Variants in DAB1 observed in about 807,000 individuals in gnomAD.
DAB1 encodes DAB adaptor protein 1.
In DAB1, 15 loss-of-function variants were observed where a neutral mutation model predicts 64.6. The observed-to-expected ratio is 0.23, with a 90% CI of 0.16 to 0.36. The LOEUF (loss-of-function observed/expected upper bound fraction) is 0.36, where lower values mean the gene tolerates loss of function less well. Ranked by LOEUF, DAB1 falls within the 10% of genes least tolerant of loss-of-function variation. DAB1 has a pLI of 1.00. For synonymous variants in DAB1, 235 were observed against 251.9 expected, an observed-to-expected ratio of 0.93 and a Z score of 0.64; for missense variants, 596 against 706.7, an observed-to-expected ratio of 0.84 and a Z score of 1.78.
chr1:57,492,963 T>C (rs1315276488), intron 7 of DAB1, among the ~76,000 whole-genome samples: 2 of 152,136 alleles, frequency 1.3e-5, no homozygotes, highest in African/African-American at 4.8e-5. Context: ...AAGCTATCCC[T>C]GGCTTCCTTG....
chr1:58,203,907 A>G (rs1170286059), intron 4 of DAB1, among the ~76,000 whole-genome samples: 1 of 152,236 alleles, frequency 6.6e-6, no homozygotes. Context: ...AGTTTATTGA[A>G]CAAATAGCTA....
intron 5 of DAB1, among the ~76,000 whole-genome samples, chr1:58,031,104 A>C (rs896279262): frequency 2.6e-5 from 4 of 152,162 alleles, no homozygotes; most frequent in Non-Finnish European, 4.4e-5. Flanking sequence ...GAGTGAACAA[A>C]GTGGAGAGAA....
At chr1:58,296,208 AG>A (rs1661982870) in intron 4 of DAB1, among the ~76,000 whole-genome samples, 1 of 117,552 alleles carries the variant, frequency 8.5e-6, no homozygotes, top group African/African-American at 3.5e-5. Context: ...AAAGAAAGAA[AG>A]AAAGAAAGAA....
chr1:58,075,080 T>C (rs1649556879), intron 5 of DAB1, among the ~76,000 whole-genome samples: 1 of 152,190 alleles, frequency 6.6e-6, no homozygotes, highest in African/African-American at 2.4e-5. Context: ...ATCTGCTCTT[T>C]AGTTTGTTCC....
intron 3 of DAB1, among the ~76,000 whole-genome samples, chr1:58,497,121 T>C (rs78028892): frequency 1.3e-3 from 193 of 152,294 alleles, no homozygotes; most frequent in African/African-American, 4.5e-3. Context: ...TACAGGTATA[T>C]ATAGAAACAA....
chr1:57,407,254 C>T (rs1683716315), intron 1 of DAB1, among the ~76,000 whole-genome samples: 1 of 152,134 alleles, frequency 6.6e-6, no homozygotes, highest in Non-Finnish European at 1.5e-5. Context: ...ACAATAGAGA[C>T]CACCAAGGTC....
chr1:58,435,081 A>G (rs181254064), intron 3 of DAB1, among the ~76,000 whole-genome samples: 2 of 152,318 alleles, frequency 1.3e-5, no homozygotes, highest in East Asian at 3.9e-4. Flanking sequence ...TGTGGATTGC[A>G]TTACTTGGGA....
chr1:57,808,554 G>A (rs1216865504), intron 6 of DAB1, among the ~76,000 whole-genome samples: 2 of 151,882 alleles, frequency 1.3e-5, no homozygotes, highest in Non-Finnish European at 2.9e-5. Context: ...ATTTACTTAG[G>A]GTAGAATGGT....
rs142116591 is a variant in DAB1 at position 57,044,440 on chromosome 1, C to T, written c.724-18397G>A. On this transcript the variant is annotated intron_variant, in intron 9 of 14. Transcript: ENST00000371236. ...TTACAGTATTACAGAAACTATAAAA[C>T]GATAACAAAAAAGACACTTCATGCA... Among the ~76,000 whole-genome samples, 223 of 152,262 alleles carry T rather than the reference C, an allele frequency of 1.5e-3. 2 individuals carry two copies. Among genetic ancestry groups the T allele is most frequent in the African/African-American group, 5.0e-3 (206 of 41,560 alleles).
At chr1:57,452,779 C>A (rs1686435696) in intron 7 of DAB1, among the ~76,000 whole-genome samples, 1 of 152,054 alleles carries the variant, frequency 6.6e-6, no homozygotes, top group Non-Finnish European at 1.5e-5. Flanking sequence ...GAGACCTTAT[C>A]TGCCTTGTTC....
At chr1:57,508,907 CATTT>C (rs1306673453) in intron 7 of DAB1, among the ~76,000 whole-genome samples, 1 of 151,602 alleles carries the variant, frequency 6.6e-6, no homozygotes, top group African/African-American at 2.4e-5. Flanking sequence ...ACTTATAAAA[CATTT>C]ATATATGCAC....
chr1:57,170,083 G>A lies in DAB1; in HGVS notation c.68-24654C>T, dbSNP rs1025558002. On this transcript the variant is annotated intron_variant, in intron 2 of 14. Transcript: ENST00000371236. ...GTGAACTCGGCTCCCTGCAACCTCT[G>A]CATCCCAGGTTCAAGCGATTCTCCT... Among the ~76,000 whole-genome samples the A allele has an allele frequency of 1.1e-4, 17 of 150,448 alleles. No homozygotes were observed. The East Asian group carries it at 1.2e-3, about 10-fold the overall frequency.
At chr1:58,432,888 C>T (rs1644895030) in intron 3 of DAB1, among the ~76,000 whole-genome samples, 1 of 152,200 alleles carries the variant, frequency 6.6e-6, no homozygotes, top group Non-Finnish European at 1.5e-5. Context: ...TGCGAGCCCT[C>T]CCCCCAGCCC....
chr1:57,842,126 T>A (rs897902567), intron 1 of DAB1, among the ~76,000 whole-genome samples: 1 of 152,182 alleles, frequency 6.6e-6, no homozygotes, highest in African/African-American at 2.4e-5. Flanking sequence ...ATACCCTAAA[T>A]CATCTCTCTC....
intron 1 of DAB1, among the ~76,000 whole-genome samples, chr1:57,326,645 C>G (rs1220215597): frequency 6.6e-6 from 1 of 152,216 alleles, no homozygotes; most frequent in Non-Finnish European, 1.5e-5. Flanking sequence ...AAGAGCAAGG[C>G]ACCAGCAGAT....
intron 5 of DAB1, among the ~76,000 whole-genome samples, chr1:57,889,423 G>A (rs1417384700): frequency 6.6e-6 from 1 of 152,244 alleles, no homozygotes; most frequent in Non-Finnish European, 1.5e-5. Flanking sequence ...CACAGGTCTT[G>A]ACCTTTAAAA....
At chr1:57,984,260 G>GAAAGAAAA (rs1570163620) in intron 5 of DAB1, among the ~76,000 whole-genome samples, 10 of 134,068 alleles carry the variant, frequency 7.5e-5, no homozygotes, top group African/African-American at 1.7e-4. Context: ...AAGAAAGAAA[G>GAAAGAAAA]AAAAAAAATT....
intron 1 of DAB1, among the ~76,000 whole-genome samples, chr1:57,416,003 C>G (rs756060685): frequency 1.3e-5 from 2 of 152,060 alleles, no homozygotes; most frequent in African/African-American, 2.4e-5. Flanking sequence ...AACTTCTAAC[C>G]CCATGAGAGA....
intron 9 of DAB1, among the ~76,000 whole-genome samples, chr1:57,038,581 C>A (rs1467465265): frequency 6.6e-6 from 1 of 152,048 alleles, no homozygotes; most frequent in Non-Finnish European, 1.5e-5. Context: ...CCAATTTGGG[C>A]CTCACTTTAG....
Sources: gnomAD v4.1 joint callset for allele counts (sites outside exome capture counted in the v4.1 genomes callset) on GRCh38, gnomAD v4.1.1 for gene constraint, MANE v1.5 for transcripts, NCBI Gene and HGNC (gene_info 2026-07-23, HGNC 2026-07-21) for gene names.